CHST11: variants seen among roughly 807,000 people sequenced by gnomAD.
The protein encoded by CHST11 is carbohydrate sulfotransferase 11.
In CHST11, 9 loss-of-function variants were observed where a neutral mutation model predicts 30.4. The observed-to-expected ratio is 0.30, with a 90% CI of 0.18 to 0.52. The LOEUF is 0.52. CHST11 is among the 20% of genes least tolerant of loss of function. The pLI is 0.97. For synonymous variants in CHST11, 152 were observed against 187.8 expected (o/e 0.81, Z 1.56); for missense variants, 348 against 460.6 (o/e 0.76, Z 2.24).
chr12:104,492,538 A>G (rs1433367988), intron 1 of CHST11, among the ~76,000 whole-genome samples: 1 of 152,236 alleles, frequency 6.6e-6, no homozygotes. Flanking sequence ...GCTCTAAAGT[A>G]AAATCTTAGT....
At chr12:104,646,507 G>C (rs990912367) in intron 2 of CHST11, among the ~76,000 whole-genome samples, 1 of 152,130 alleles carries the variant, frequency 6.6e-6, no homozygotes, top group African/African-American at 2.4e-5. Flanking sequence ...GCCGAGGTGG[G>C]TGGATCACGA....
chr12:104,707,594 A>G (rs1240647442), intron 2 of CHST11, among the ~76,000 whole-genome samples: 2 of 152,204 alleles, frequency 1.3e-5, no homozygotes, highest in Non-Finnish European at 1.5e-5. Flanking sequence ...ACCTAGTCGC[A>G]TAAAGTTTAC....
At chr12:104,526,252 G>C (rs1320500559) in intron 1 of CHST11, among the ~76,000 whole-genome samples, 2 of 151,922 alleles carry the variant, frequency 1.3e-5, no homozygotes, top group African/African-American at 4.8e-5. Flanking sequence ...AGAAAAGAAG[G>C]GAGAATTTCT....
intron 2 of CHST11, among the ~76,000 whole-genome samples, chr12:104,748,979 A>G (rs1203046271): frequency 1.3e-5 from 2 of 152,214 alleles, no homozygotes; most frequent in African/African-American, 2.4e-5. Flanking sequence ...AGAATGACGC[A>G]TGGTTGGAGT....
chr12:104,576,841 G>A (rs185351005), intron 1 of CHST11, among the ~76,000 whole-genome samples: 3 of 152,284 alleles, frequency 2.0e-5, no homozygotes, highest in East Asian at 3.9e-4. Context: ...TCCAGGCTGC[G>A]CTGAGGGACA....
chr12:104,627,910 T>A (rs2039232478), intron 2 of CHST11, among the ~76,000 whole-genome samples: 1 of 152,162 alleles, frequency 6.6e-6, no homozygotes, highest in South Asian at 2.1e-4. Flanking sequence ...TCTTGAACAC[T>A]CGCTCTGTGC....
At chr12:104,457,800 T>TC (rs1246955841) in intron 1 of CHST11, among the ~76,000 whole-genome samples, 2 of 148,282 alleles carry the variant, frequency 1.3e-5, no homozygotes, top group East Asian at 1.9e-4. Flanking sequence ...TTTTTTTTTT[T>TC]TTTTCTTCTT....
At chr12:104,714,254 G>C (rs2040111277) in intron 2 of CHST11, among the ~76,000 whole-genome samples, 1 of 152,212 alleles carries the variant, frequency 6.6e-6, no homozygotes, top group Admixed American at 6.5e-5. Context: ...CCTTTGGCTG[G>C]GGAGTGCTTC....
chr12:104,540,019 C>T (rs1795863), intron 1 of CHST11, among the ~76,000 whole-genome samples: 10,558 of 152,154 alleles, frequency 0.069, 869 homozygotes, highest in East Asian at 0.44. Flanking sequence ...CTATGTGCCT[C>T]CTCCCATATA....
intron 2 of CHST11, among the ~76,000 whole-genome samples, chr12:104,734,968 A>C (rs2040288419): frequency 6.6e-6 from 1 of 152,220 alleles, no homozygotes. Context: ...CATCAGGGCA[A>C]ACTGCAAAAT....
intron 2 of CHST11, among the ~76,000 whole-genome samples, chr12:104,659,744 T>C (rs1423842427): frequency 6.6e-6 from 1 of 152,136 alleles, no homozygotes; most frequent in East Asian, 1.9e-4. Flanking sequence ...GGCAGAAGGA[T>C]TGCTTGAGGC....
chr12:104,535,288 A>G (rs2038226570), intron 1 of CHST11, among the ~76,000 whole-genome samples: 3 of 152,188 alleles, frequency 2.0e-5, no homozygotes, highest in Admixed American at 2.0e-4. Flanking sequence ...GTCAAGTCTG[A>G]GACATTGAGG....
At chr12:104,593,923 A>G (rs11112123) in intron 1 of CHST11, among the ~76,000 whole-genome samples, 42,896 of 152,048 alleles carry the variant, frequency 0.28, 6,208 homozygotes, top group African/African-American at 0.34. Flanking sequence ...AAGGTAATTA[A>G]ACCACTTTGA....
At chr12:104,542,162 A>T (rs1223933085) in intron 1 of CHST11, among the ~76,000 whole-genome samples, 1 of 152,220 alleles carries the variant, frequency 6.6e-6, no homozygotes, top group Non-Finnish European at 1.5e-5. Flanking sequence ...TTTTAGAAAT[A>T]ATCCAATTTA....
intron 2 of CHST11, among the ~76,000 whole-genome samples, chr12:104,721,090 C>T (rs2040172300): frequency 6.6e-6 from 1 of 152,182 alleles, no homozygotes. Flanking sequence ...AGACTGAAAC[C>T]CACCCTGTGG....
intron 2 of CHST11, among the ~76,000 whole-genome samples, chr12:104,615,737 G>C (rs776655210): frequency 6.6e-6 from 1 of 152,134 alleles, no homozygotes; most frequent in African/African-American, 2.4e-5. Flanking sequence ...GACCAGTCTG[G>C]CCAACATGGT....
intron 2 of CHST11, among the ~76,000 whole-genome samples, chr12:104,671,594 G>A (rs1389388450): frequency 6.6e-6 from 1 of 152,150 alleles, no homozygotes; most frequent in African/African-American, 2.4e-5. Context: ...AGTTATCTCA[G>A]GCAGCCTAGA....
At chr12:104,590,013 T>TTAAATAAATAAATAAATAAATAAA (rs111573363) in intron 1 of CHST11, among the ~76,000 whole-genome samples, 42 of 151,256 alleles carry the variant, frequency 2.8e-4, no homozygotes, top group African/African-American at 9.7e-4. Context: ...TGTCTCAAAA[T>TTAAATAAATAAATAAATAAATAAA]TAAATAAATA....
At chr12:104,726,285 T>C (rs1203501398) in intron 2 of CHST11, among the ~76,000 whole-genome samples, 4 of 152,210 alleles carry the variant, frequency 2.6e-5, no homozygotes, top group South Asian at 4.1e-4. Flanking sequence ...CTTGTCAAAA[T>C]TGGGTGGTCT....
Sources: gnomAD v4.1 joint callset for allele counts (sites outside exome capture counted in the v4.1 genomes callset) on GRCh38, gnomAD v4.1.1 for gene constraint, MANE v1.5 for transcripts, NCBI Gene and HGNC (gene_info 2026-07-23, HGNC 2026-07-21) for gene names.